The following HDGFL3 variants were observed in gnomAD, a reference collection of about 807,000 sequenced individuals.
The protein encoded by HDGFL3 is hepatoma-derived growth factor-related protein 3.
HDGFL3 carries 6 observed loss-of-function variants against 27.6 expected under a neutral mutation model. The observed-to-expected ratio is 0.22, with a 90% CI of 0.12 to 0.43. HDGFL3 has a LOEUF of 0.43. Ranked by LOEUF, HDGFL3 falls within the 20% of genes least tolerant of loss-of-function variation. HDGFL3 has a pLI of 1.00. For missense variants in HDGFL3, 207 were observed against 250.1 expected, an observed-to-expected ratio of 0.83 and a Z score of 1.16; for synonymous variants, 88 against 88.9, an observed-to-expected ratio of 0.99 and a Z score of 0.05.
At position 83,131,330 on chromosome 15, in the gene HDGFL3, G is replaced by GTGT. The variant is rs2036230379; in HGVS notation, c.*7939_*7940insACA. On this transcript the variant is annotated 3_prime_UTR_variant, in exon 6 of 6. Transcript: ENST00000299633. ...AAGTTCTAGATCAGTATAGGCCAATGGAAGAAATATTGAGTAGTGGCCAGG... is the reference window on the plus strand; with the variant it reads ...AAGTTCTAGATCAGTATAGGCCAATGTGTGAAGAAATATTGAGTAGTGGCCAGG... 1.3e-5 allele frequency: 2 copies of GTGT among 151,962 alleles called. No homozygotes were observed. Among genetic ancestry groups the GTGT allele is most frequent in the Admixed American group, 1.3e-4 (2 of 15,252 alleles). 9.4% of individuals were successfully genotyped at this position (151,962 alleles called of 1,614,324 possible).
intron 1 of HDGFL3, among the ~76,000 whole-genome samples, chr15:83,203,492 G>A (rs1344467329): frequency 6.6e-6 from 1 of 151,808 alleles, no homozygotes; most frequent in Non-Finnish European, 1.5e-5. Context: ...AAATGAACAG[G>A]TGGCTAAAAA....
chr15:83,122,762 T>C, downstream of HDGFL3: 1 of 1,613,862 alleles, frequency 6.2e-7, no homozygotes, highest in Non-Finnish European at 8.5e-7. Context: ...AATAGGGAAG[T>C]ATGGAACACG....
At chr15:83,180,157 C>T (rs939267057) in intron 1 of HDGFL3, among the ~76,000 whole-genome samples, 7 of 151,998 alleles carry the variant, frequency 4.6e-5, no homozygotes, top group African/African-American at 9.7e-5. Flanking sequence ...TGATTGACTC[C>T]GGATCTGACG....
chr15:83,187,161 T>C (rs1300374933), intron 1 of HDGFL3, among the ~76,000 whole-genome samples: 1 of 148,928 alleles, frequency 6.7e-6, no homozygotes, highest in Non-Finnish European at 1.5e-5. Context: ...GGAAATTCTT[T>C]TTTTTTTTTT....
chr15:83,128,402 G>A lies in HDGFL3; in HGVS notation c.*10868C>T, dbSNP rs764341861. 6.6e-6 allele frequency: 1 copy of A among 152,154 alleles called. No homozygotes were observed. Among genetic ancestry groups the A allele is most frequent in the Admixed American group, 6.5e-5 (1 of 15,268 alleles). The allele number at this position is 152,154 out of a possible 1,614,324, so 9.4% of individuals were successfully genotyped here. A position where few individuals can be genotyped will look rare whatever the true frequency, so the allele number is the denominator to read the frequency against. Reference sequence around the variant, plus strand: ...GTTGATGTAGCATCCAGAAGTAATGGTTCCTGTCCTTTCCTTGAGGGGCTT... The same window carrying A: ...GTTGATGTAGCATCCAGAAGTAATGATTCCTGTCCTTTCCTTGAGGGGCTT... On this transcript the variant is annotated 3_prime_UTR_variant, in exon 6 of 6. Transcript: ENST00000299633.
At chr15:83,187,331 GT>G (rs1015545011) in intron 1 of HDGFL3, among the ~76,000 whole-genome samples, 5 of 144,898 alleles carry the variant, frequency 3.5e-5, no homozygotes, top group African/African-American at 8.0e-5. Context: ...CACGGGCAGA[GT>G]TTTTTTTTTG....
intron 1 of HDGFL3, among the ~76,000 whole-genome samples, chr15:83,167,946 CA>C (rs1218079129): frequency 6.6e-6 from 1 of 152,096 alleles, no homozygotes; most frequent in Non-Finnish European, 1.5e-5. Context: ...GACAAAAAAT[CA>C]TATCAACTAT....
At chr15:83,203,283 T>C (rs2037672980) in intron 1 of HDGFL3, among the ~76,000 whole-genome samples, 1 of 152,054 alleles carries the variant, frequency 6.6e-6, no homozygotes, top group Non-Finnish European at 1.5e-5. Context: ...AAACAGAATT[T>C]TGATTTCAGT....
intron 1 of HDGFL3, among the ~76,000 whole-genome samples, chr15:83,176,296 A>T (rs1310408153): frequency 6.6e-6 from 1 of 152,234 alleles, no homozygotes; most frequent in African/African-American, 2.4e-5. Flanking sequence ...CTCTTAAAAT[A>T]AAAGCTGTTT....
intron 2 of HDGFL3, among the ~76,000 whole-genome samples, chr15:83,161,378 C>T (rs1360475162): frequency 6.6e-6 from 1 of 152,124 alleles, no homozygotes; most frequent in African/African-American, 2.4e-5. Context: ...CCAGGCTAGT[C>T]TCGAACTCCT....
At chr15:83,139,634 A>G (rs911731736) in intron 5 of HDGFL3, among the ~76,000 whole-genome samples, 2 of 152,220 alleles carry the variant, frequency 1.3e-5, no homozygotes, top group Non-Finnish European at 2.9e-5. Flanking sequence ...CTTTGTGAGG[A>G]CATTCTTCAG....
At position 83,162,456 on chromosome 15, in the gene HDGFL3, G is replaced by A. The variant is rs75263483; in HGVS notation, c.161+1543C>T. 8.7e-3 allele frequency among the ~76,000 whole-genome samples: 1,317 copies of A among 151,878 alleles called. 14 individuals carry two copies. Among genetic ancestry groups the A allele is most frequent in the Non-Finnish European group, 0.014 (974 of 67,928 alleles). ...TGGGTTCTAAAAAAATCAAACCAATGGTACAAAAATAAAATGGGGGCGGGA... is the reference window on the plus strand; with the variant it reads ...TGGGTTCTAAAAAAATCAAACCAATAGTACAAAAATAAAATGGGGGCGGGA... On this transcript the variant is annotated intron_variant, in intron 2 of 5. Coordinates refer to ENST00000299633, the MANE Select transcript of HDGFL3 (RefSeq NM_016073.4).
At chr15:83,187,365 CTCTG>C (rs1310139383) in intron 1 of HDGFL3, among the ~76,000 whole-genome samples, 3 of 148,738 alleles carry the variant, frequency 2.0e-5, no homozygotes, top group Admixed American at 6.6e-5. Context: ...GAGAACTACT[CTCTG>C]TGTGTGTCTC....
intron 1 of HDGFL3, among the ~76,000 whole-genome samples, chr15:83,199,357 T>C (rs1309678940): frequency 6.6e-6 from 1 of 152,204 alleles, no homozygotes; most frequent in Non-Finnish European, 1.5e-5. Flanking sequence ...AGATCTGAAG[T>C]TGAGTTTATT....
At chr15:83,183,256 C>A (rs1191826285) in intron 1 of HDGFL3, among the ~76,000 whole-genome samples, 3 of 152,092 alleles carry the variant, frequency 2.0e-5, no homozygotes, top group Non-Finnish European at 4.4e-5. Flanking sequence ...ACCAAACCCC[C>A]ATGACATAAA....
In HDGFL3 at chr15:83,121,790, C is replaced by T. The variant is rs1336648813; in HGVS notation, c.394-6049G>A. 1.5e-5 allele frequency: 10 copies of T among 677,658 alleles called. No homozygotes were observed. The East Asian group carries it at 2.5e-4, about 17-fold the overall frequency. 42.0% of individuals were successfully genotyped at this position (677,658 alleles called of 1,614,324 possible). A position where few individuals can be genotyped will look rare whatever the true frequency, so the allele number is the denominator to read the frequency against. On this transcript the variant is annotated intron_variant, in intron 3 of 3. Transcript: ENST00000568294. ...AGGGCTCCTTGTGTTTGATTTATTC[C>T]TCTCAATTCAATATGTTTTGATTGA...
At chr15:83,178,278 G>T (rs370992823) in intron 1 of HDGFL3, among the ~76,000 whole-genome samples, 13 of 152,242 alleles carry the variant, frequency 8.5e-5, no homozygotes, top group African/African-American at 2.6e-4. Context: ...TGTTTTCTGT[G>T]TCAAAATAAT....
At position 83,148,957 on chromosome 15, in the gene HDGFL3, T is replaced by C. The variant is rs117909475; in HGVS notation, c.606+2258A>G. 1.9e-3 allele frequency among the ~76,000 whole-genome samples: 288 copies of C among 152,274 alleles called. 4 individuals carry two copies. The East Asian group carries it at 0.028, about 15-fold the overall frequency. ...GGGTAGGAAGAGGGACTGGAAAGAA[T>C]ACGTAAATAGATACAAGTTAATTGT... On this transcript the variant is annotated intron_variant, in intron 5 of 5. Coordinates refer to ENST00000299633, the MANE Select transcript of HDGFL3 (RefSeq NM_016073.4).
chr15:83,125,782 G>C (rs1244302605), downstream of HDGFL3, among the ~76,000 whole-genome samples: 1 of 152,190 alleles, frequency 6.6e-6, no homozygotes, highest in East Asian at 1.9e-4. Flanking sequence ...CAGGGTCTTG[G>C]GCTACTGGGG....
Sources: gnomAD v4.1 joint callset for allele counts (sites outside exome capture counted in the v4.1 genomes callset) on GRCh38, gnomAD v4.1.1 for gene constraint, MANE v1.5 for transcripts, NCBI Gene and HGNC (gene_info 2026-07-23, HGNC 2026-07-21) for gene names.